The following CNTNAP2 variants were observed in gnomAD, a reference collection of about 807,000 sequenced individuals.
CNTNAP2 encodes contactin associated protein 2, also known as contactin-associated protein-like 2.
CNTNAP2 carries 98 observed loss-of-function variants against 155.2 expected under a neutral mutation model. That is an observed-to-expected ratio of 0.63 (90% CI 0.54 to 0.75). The LOEUF (loss-of-function observed/expected upper bound fraction) is 0.75. CNTNAP2 is among the 30% of genes least tolerant of loss of function. The pLI, the probability that CNTNAP2 is intolerant of heterozygous loss-of-function variation, is 0.00. For missense variants in CNTNAP2, 1,727 were observed against 1,688.1 expected, an observed-to-expected ratio of 1.02 and a Z score of -0.40; for synonymous variants, 651 against 631.2, an observed-to-expected ratio of 1.03 and a Z score of -0.47.
At chr7:146,384,770 G>A (rs1210748849) in intron 1 of CNTNAP2, among the ~76,000 whole-genome samples, 1 of 152,114 alleles carries the variant, frequency 6.6e-6, no homozygotes, top group Non-Finnish European at 1.5e-5. Flanking sequence ...GTTTAAAGTT[G>A]GGACTATGCC....
At chr7:148,216,784 T>A (rs6464858) in intron 18 of CNTNAP2, among the ~76,000 whole-genome samples, 150,287 of 152,350 alleles carry the variant, frequency 0.99, 74,160 homozygotes, top group East Asian at 1. Context: ...CATAATCCCC[T>A]CATGTTGTGG....
intron 14 of CNTNAP2, among the ~76,000 whole-genome samples, chr7:147,938,624 T>C (rs565142061): frequency 2.5e-4 from 38 of 152,134 alleles, no homozygotes; most frequent in Non-Finnish European, 4.3e-4. Context: ...TTATGATATC[T>C]GGGTAACAAA....
intron 3 of CNTNAP2, among the ~76,000 whole-genome samples, chr7:146,856,485 G>A (rs192963928): frequency 6.6e-6 from 1 of 152,118 alleles, no homozygotes; most frequent in South Asian, 2.1e-4. Context: ...GTAAATACTA[G>A]TTCTGGCATA....
chr7:147,491,467 A>G (rs1406204373), intron 11 of CNTNAP2, among the ~76,000 whole-genome samples: 3 of 107,550 alleles, frequency 2.8e-5, no homozygotes, highest in South Asian at 5.6e-4. Context: ...TAAAACACAC[A>G]TATGTCTTTT....
chr7:147,205,406 G>A (rs561311333), intron 8 of CNTNAP2, among the ~76,000 whole-genome samples: 5 of 151,954 alleles, frequency 3.3e-5, no homozygotes, highest in Non-Finnish European at 5.9e-5. Flanking sequence ...GAATGTTATT[G>A]GTACTTTGAA....
At chr7:147,226,793 T>C (rs1418933885) in intron 8 of CNTNAP2, among the ~76,000 whole-genome samples, 1 of 152,228 alleles carries the variant, frequency 6.6e-6, no homozygotes, top group Non-Finnish European at 1.5e-5. Context: ...TCCGTTCCTT[T>C]ACAATTCATG....
intron 20 of CNTNAP2, among the ~76,000 whole-genome samples, chr7:148,255,864 G>A (rs964882524): frequency 1.3e-5 from 2 of 152,144 alleles, no homozygotes; most frequent in Admixed American, 6.5e-5. Flanking sequence ...GGGAAACTGC[G>A]TTCCTTGTGA....
At chr7:146,362,341 G>T (rs1047927408) in intron 1 of CNTNAP2, among the ~76,000 whole-genome samples, 1 of 152,144 alleles carries the variant, frequency 6.6e-6, no homozygotes, top group Non-Finnish European at 1.5e-5. Context: ...GTGCAAGGAG[G>T]AAAACAGGTA....
chr7:146,264,092 G>A (rs1212566732), intron 1 of CNTNAP2, among the ~76,000 whole-genome samples: 2 of 152,062 alleles, frequency 1.3e-5, no homozygotes, highest in East Asian at 3.9e-4. Context: ...TTTCACTTTG[G>A]TAGATTCCAA....
At chr7:146,498,117 C>T (rs1797247291) in intron 1 of CNTNAP2, among the ~76,000 whole-genome samples, 1 of 152,080 alleles carries the variant, frequency 6.6e-6, no homozygotes, top group African/African-American at 2.4e-5. Flanking sequence ...GCAGGAAATA[C>T]ATCTGGAGAT....
chr7:147,142,996 A>G (rs1391335092), intron 8 of CNTNAP2, among the ~76,000 whole-genome samples: 3 of 152,166 alleles, frequency 2.0e-5, no homozygotes, highest in African/African-American at 7.2e-5. Context: ...ATCCTCTAGT[A>G]TAGTGCCTTG....
chr7:147,042,169 A>C (rs1799272270), intron 3 of CNTNAP2, among the ~76,000 whole-genome samples: 1 of 152,238 alleles, frequency 6.6e-6, no homozygotes, highest in African/African-American at 2.4e-5. Flanking sequence ...TATGGATTAC[A>C]GAAGTGTATG....
At chr7:147,532,608 G>C (rs777775575) in intron 11 of CNTNAP2, among the ~76,000 whole-genome samples, 3 of 152,110 alleles carry the variant, frequency 2.0e-5, no homozygotes, top group African/African-American at 7.2e-5. Context: ...TACTGTATTA[G>C]TCTGTTTTCA....
intron 1 of CNTNAP2, among the ~76,000 whole-genome samples, chr7:146,322,634 C>CTCTTTTTTTT (rs748751758): frequency 8.9e-4 from 58 of 64,952 alleles, no homozygotes; most frequent in Non-Finnish European, 1.5e-3. Context: ...TGTTCATTCT[C>CTCTTTTTTTT]TTTTTTTTTT....
At chr7:147,953,121 G>A (rs766691690) in intron 14 of CNTNAP2, among the ~76,000 whole-genome samples, 1 of 152,142 alleles carries the variant, frequency 6.6e-6, no homozygotes, top group African/African-American at 2.4e-5. Flanking sequence ...GATGAAGTAA[G>A]CATTATTCCG....
At chr7:147,818,620 G>A (rs145860910) in intron 13 of CNTNAP2, among the ~76,000 whole-genome samples, 163 of 152,202 alleles carry the variant, frequency 1.1e-3, no homozygotes, top group African/African-American at 3.6e-3. Flanking sequence ...AATGAGAGAC[G>A]TTTCCCCTAT....
At chr7:146,586,019 AAC>A (rs1798686193) in intron 1 of CNTNAP2, among the ~76,000 whole-genome samples, 1 of 6,272 alleles carries the variant, frequency 1.6e-4, no homozygotes, top group South Asian at 0.017. Context: ...AAACAACAAC[AAC>A]AAAACAAAAC....
intron 21 of CNTNAP2, among the ~76,000 whole-genome samples, chr7:148,307,860 C>T (rs2116511432): frequency 6.6e-6 from 1 of 152,194 alleles, no homozygotes; most frequent in South Asian, 2.1e-4. Flanking sequence ...GTAGTCCCAG[C>T]TAATGGGGAT....
chr7:148,283,267 G>A (rs868855772), intron 21 of CNTNAP2, among the ~76,000 whole-genome samples: 2 of 58,936 alleles, frequency 3.4e-5, no homozygotes, highest in African/African-American at 8.2e-5. Flanking sequence ...AAGAAAGAAA[G>A]AAAGAAAGAA....
Sources: gnomAD v4.1 joint callset for allele counts (sites outside exome capture counted in the v4.1 genomes callset) on GRCh38, gnomAD v4.1.1 for gene constraint, MANE v1.5 for transcripts, NCBI Gene and HGNC (gene_info 2026-07-23, HGNC 2026-07-21) for gene names.